Variants in TRIM37 observed in about 807,000 individuals in gnomAD.
TRIM37 encodes tripartite motif containing 37.
Under a neutral mutation model 129.8 loss-of-function variants are expected in TRIM37, and 80 were observed. That is an observed-to-expected ratio of 0.62 (90% confidence interval 0.51 to 0.74). The LOEUF is 0.74. Ranked by LOEUF, TRIM37 falls within the 30% of genes least tolerant of loss-of-function variation. The pLI is 0.00. For synonymous variants in TRIM37, 389 were observed against 387.1 expected, an observed-to-expected ratio of 1.00 and a Z score of -0.06; for missense variants, 1,054 against 1,176.5, an observed-to-expected ratio of 0.90 and a Z score of 1.52.
chr17:58,973,552 C>T, the TRIM37 span, among the ~76,000 whole-genome samples: 22 of 151,374 alleles, frequency 1.5e-4, no homozygotes, highest in East Asian at 3.9e-4. Context: ...CAGTGGCTCA[C>T]GCCTGTAATC....
At chr17:59,093,337 C>T (rs774379967) in intron 2 of TRIM37, among the ~76,000 whole-genome samples, 21 of 152,102 alleles carry the variant, frequency 1.4e-4, no homozygotes, top group South Asian at 4.1e-4. Flanking sequence ...CAGAACTGGT[C>T]TCATGAACTC....
intron 23 of TRIM37, among the ~76,000 whole-genome samples, chr17:59,000,530 G>A (rs755386775): frequency 1.8e-4 from 28 of 152,102 alleles, no homozygotes; most frequent in Non-Finnish European, 3.8e-4. Flanking sequence ...GAACCCAGGA[G>A]GCAGAAGTTG....
chr17:59,098,637 C>T (rs781035310), intron 2 of TRIM37, among the ~76,000 whole-genome samples: 3 of 137,516 alleles, frequency 2.2e-5, no homozygotes, highest in Non-Finnish European at 3.0e-5. Context: ...TGTGCTCCAA[C>T]GTGGGCAACA....
intron 8 of TRIM37, among the ~76,000 whole-genome samples, chr17:59,074,812 T>TATTTACTC (rs2042669082): frequency 6.6e-6 from 1 of 152,218 alleles, no homozygotes; most frequent in African/African-American, 2.4e-5. Context: ...CTACATATTT[T>TATTTACTC]ATTTACTCAT....
Position 59,028,641 on chromosome 17 carries a change from T to C in TRIM37, c.2031A>G (p.Arg677=), listed in dbSNP as rs932652810. ...RVPSDLKMLK[R]LKTQMAEVRC... ...GAACTTCGGCCATTTGAGTTTTGAG[T>C]CTTTTTAGCATCTTTAAATCAGAGG... Residue 677 remains arginine (R), a synonymous_variant, in exon 19 of 24, where the codon AGA becomes AGG. Transcript: ENST00000262294. 1.9e-6 allele frequency: 3 copies of C among 1,614,092 alleles called. No individual in the cohort carries two copies. Among genetic ancestry groups the C allele is most frequent in the African/African-American group, 2.7e-5 (2 of 74,940 alleles).
At chr17:59,054,692 T>A (rs111918749) in intron 13 of TRIM37, among the ~76,000 whole-genome samples, 3 of 152,020 alleles carry the variant, frequency 2.0e-5, no homozygotes, top group African/African-American at 7.2e-5. Flanking sequence ...TGAGATAGGG[T>A]CTTGCTATGT....
chr17:58,985,274 T>G (rs1205894626), intron 24 of TRIM37: 1 of 152,658 alleles, frequency 6.6e-6, no homozygotes, highest in Non-Finnish European at 1.5e-5. Flanking sequence ...AATCCTGAGA[T>G]GGACGTTAAG....
chr17:59,094,764 C>G (rs1374853466), intron 2 of TRIM37, among the ~76,000 whole-genome samples: 1 of 151,242 alleles, frequency 6.6e-6, no homozygotes, highest in Non-Finnish European at 1.5e-5. Flanking sequence ...AAAACAAAAA[C>G]AAAAACAAAA....
chr17:58,998,180 T>C, downstream of TRIM37: 1 of 983,232 alleles, frequency 1.0e-6, no homozygotes, highest in Non-Finnish European at 1.2e-6. Context: ...CTGGTCCCAA[T>C]TTAATAAACA....
downstream of TRIM37, chr17:58,982,572 G>A (rs538496695): frequency 4.0e-6 from 1 of 251,370 alleles, no homozygotes; most frequent in African/African-American, 2.3e-5. Flanking sequence ...GAATTTTAAA[G>A]ACACAGATGA....
chr17:59,101,691 T>TAC (rs2045512880), intron 2 of TRIM37, among the ~76,000 whole-genome samples: 1 of 131,096 alleles, frequency 7.6e-6, no homozygotes. Context: ...TATATATATA[T>TAC]ATATACACAC....
chr17:59,008,087 C>T (rs1021165859), intron 22 of TRIM37, among the ~76,000 whole-genome samples: 6 of 152,364 alleles, frequency 3.9e-5, no homozygotes, highest in African/African-American at 1.4e-4. Context: ...CAAGGCCGCA[C>T]TCTCCTCGAG....
Position 59,036,719 on chromosome 17 carries a change from A to G in TRIM37, c.1754-4629T>C, listed in dbSNP as rs540110939. On this transcript the variant is annotated intron_variant, in intron 17 of 23. Coordinates refer to ENST00000262294, the MANE Select transcript of TRIM37 (RefSeq NM_015294.6). ...TTATTAAGTAAACATTTAACTTTAT[A>G]CCTAGCTTTTATATAAGCCCAATCA... Among the ~76,000 whole-genome samples, 3 of 152,238 alleles carry G rather than the reference A, an allele frequency of 2.0e-5. No individual in the cohort carries two copies. The South Asian group carries it at 6.2e-4, about 32-fold the overall frequency.
chr17:59,032,194 T>A lies in TRIM37; in HGVS notation c.1754-104A>T. The A allele has an allele frequency of 2.4e-6, 3 of 1,233,344 alleles. No homozygotes were observed. In the South Asian group the frequency reaches 3.6e-5, roughly 15 times the overall value. The allele number at this position is 1,233,344 out of a possible 1,614,324, so 76.4% of individuals were successfully genotyped here. ...TTATATGAATACTTGTCTATGGACC[T>A]ATCTCTTAGGAGTTCAGGTTCATGA... is the stretch of plus-strand genomic sequence containing the variant. On this transcript the variant is annotated intron_variant, in intron 17 of 23. Coordinates refer to ENST00000262294, the MANE Select transcript of TRIM37 (RefSeq NM_015294.6).
intron 20 of TRIM37, among the ~76,000 whole-genome samples, chr17:59,016,297 G>A (rs2035922649): frequency 6.6e-6 from 1 of 150,796 alleles, no homozygotes; most frequent in African/African-American, 2.4e-5. Flanking sequence ...AGGAGACTGA[G>A]GCAGGAGAAT....
chr17:59,064,164 G>A, intron 10 of TRIM37, 191 bp downstream of exon 10: 1 of 551,702 alleles, frequency 1.8e-6, no homozygotes, highest in Non-Finnish European at 3.2e-6. Context: ...CCAGACTAGA[G>A]AAGCAGTCAG....
intron 24 of TRIM37, among the ~76,000 whole-genome samples, chr17:58,990,715 C>T (rs1193459117): frequency 6.1e-5 from 9 of 146,516 alleles, no homozygotes; most frequent in Non-Finnish European, 1.2e-4. Context: ...CACTTGAACC[C>T]GGGAGGCAGA....
chr17:58,982,830 C>T, exon 25 of TRIM37: 1 of 1,343,724 alleles, frequency 7.4e-7, no homozygotes. Context: ...TGAGGCTTTG[C>T]CCCACACATG....
At chr17:59,081,937 C>CAAAAAA (rs1157296161) in intron 5 of TRIM37, among the ~76,000 whole-genome samples, 1 of 48,894 alleles carries the variant, frequency 2.0e-5, no homozygotes, top group African/African-American at 8.5e-5. Flanking sequence ...TAATAAAAAC[C>CAAAAAA]AAAAAAAAAA....
Sources: gnomAD v4.1 joint callset for allele counts (sites outside exome capture counted in the v4.1 genomes callset) on GRCh38, gnomAD v4.1.1 for gene constraint, MANE v1.5 for transcripts, NCBI Gene and HGNC (gene_info 2026-07-23, HGNC 2026-07-21) for gene names.